The following PXDNL variants were observed in gnomAD, a reference collection of about 807,000 sequenced individuals.
PXDNL encodes the protein probable oxidoreductase PXDNL.
Under a neutral mutation model 150.8 loss-of-function variants are expected in PXDNL, and 145 were observed. That is an observed-to-expected ratio of 0.96 (90% CI 0.84 to 1.10). The LOEUF (loss-of-function observed/expected upper bound fraction) is 1.10, where lower values mean the gene tolerates loss of function less well. Among genes scored for constraint, PXDNL ranks in the 50% least tolerant of loss-of-function variants. The probability of loss-of-function intolerance (pLI) is 0.00; values close to 1 mark genes in which losing one functional copy is unlikely to be tolerated. For missense variants in PXDNL, 2,087 were observed against 1,873.9 expected (o/e 1.11, Z -2.10); for synonymous variants, 757 against 725.7 (o/e 1.04, Z -0.69).
chr8:51,678,973 A>C (rs1053615763), intron 1 of PXDNL, among the ~76,000 whole-genome samples: 2 of 152,214 alleles, frequency 1.3e-5, no homozygotes, highest in Non-Finnish European at 1.5e-5. Flanking sequence ...ACGTTGTTCT[A>C]AGTTCTGGAG....
At position 51,475,121 on chromosome 8, in the gene PXDNL, A is replaced by AG. The variant is rs1810444236; in HGVS notation, c.544dup (p.Leu182ProfsTer4). The AG allele has an allele frequency of 1.2e-6, 2 of 1,613,158 alleles. No homozygotes were observed. The highest frequency in any genetic ancestry group is 3.3e-5 in the Admixed American group (2 of 59,984). ...CCACATCAGATCACAGTCACAAACC[A>AG]GGGCGTTGGAATCCAGACGCCTAGG... On this transcript the variant is annotated frameshift_variant, in exon 7 of 23. Coordinates refer to ENST00000356297, the MANE Select transcript of PXDNL (RefSeq NM_144651.5). LOFTEE classifies it high-confidence loss of function.
In PXDNL at chr8:51,710,100, C is replaced by T. The variant is rs145699209; in HGVS notation, c.165-55340G>A. On this transcript the variant is annotated intron_variant, in intron 1 of 22. Transcript: ENST00000356297. Reference sequence around the variant, plus strand: ...TAAAAATATTTCCTGTCCTTATTTCCCAGCTTTCCCTTTTGTCTGCTCTGC... The same window carrying T: ...TAAAAATATTTCCTGTCCTTATTTCTCAGCTTTCCCTTTTGTCTGCTCTGC... 2.1e-4 allele frequency among the ~76,000 whole-genome samples: 32 copies of T among 152,232 alleles called. No homozygotes were observed. In the East Asian group the frequency reaches 6.0e-3, roughly 28 times the overall value.
chr8:51,622,470 A>G (rs1043471986), intron 2 of PXDNL, among the ~76,000 whole-genome samples: 3 of 152,248 alleles, frequency 2.0e-5, no homozygotes, highest in African/African-American at 7.2e-5. Context: ...TAAATGCCTG[A>G]AAATCTGCAA....
chr8:51,734,306 A>C (rs1585709545), intron 1 of PXDNL, among the ~76,000 whole-genome samples: 1 of 152,344 alleles, frequency 6.6e-6, no homozygotes, highest in South Asian at 2.1e-4. Flanking sequence ...GAATCAAAGA[A>C]ATTAAAGTAA....
At chr8:51,775,847 A>C (rs985991454) in intron 1 of PXDNL, among the ~76,000 whole-genome samples, 1 of 152,232 alleles carries the variant, frequency 6.6e-6, no homozygotes, top group Non-Finnish European at 1.5e-5. Flanking sequence ...CAAGGGAGAT[A>C]ACTATGAGGT....
chr8:51,609,845 T>C (rs1813959169), intron 2 of PXDNL, among the ~76,000 whole-genome samples: 2 of 152,176 alleles, frequency 1.3e-5, no homozygotes, highest in Non-Finnish European at 2.9e-5. Context: ...CGTAGAGAAG[T>C]GCTTCTGATA....
chr8:51,664,048 C>A (rs1490421197), intron 1 of PXDNL, among the ~76,000 whole-genome samples: 7 of 110,798 alleles, frequency 6.3e-5, no homozygotes, highest in Non-Finnish European at 1.1e-4. Flanking sequence ...GAGACTCTGT[C>A]TCAAAAAAAA....
At position 51,451,590 on chromosome 8, in the gene PXDNL, C is replaced by T. The variant is rs574988884; in HGVS notation, c.1249+1929G>A. Among the ~76,000 whole-genome samples the T allele has an allele frequency of 5.3e-5, 8 of 152,268 alleles. No homozygotes were observed. In the East Asian group the frequency reaches 1.4e-3, roughly 26 times the overall value. Reference sequence around the variant, plus strand: ...CATTTTGACTTACACTGTTGATGACCATAGGCCTTTTTACCTATATGTCCA... The same window carrying T: ...CATTTTGACTTACACTGTTGATGACTATAGGCCTTTTTACCTATATGTCCA... On this transcript the variant is annotated intron_variant, in intron 10 of 22. Transcript: ENST00000356297.
At chr8:51,524,207 C>T (rs755748675) in intron 4 of PXDNL, among the ~76,000 whole-genome samples, 2 of 152,182 alleles carry the variant, frequency 1.3e-5, no homozygotes, top group East Asian at 3.9e-4. Flanking sequence ...CATACGCTCC[C>T]TAACATGACA....
chr8:51,577,999 G>GAA (rs1409948869), intron 3 of PXDNL, among the ~76,000 whole-genome samples: 9 of 31,520 alleles, frequency 2.9e-4, no homozygotes, highest in Non-Finnish European at 4.4e-4. Flanking sequence ...AAGAAAGAAA[G>GAA]AGGAAGGAAG....
In PXDNL at chr8:51,409,565, AAAGGCAAGCGGCGAAAGCCGT is replaced by A; in HGVS notation, c.2063-25_2063-5del. On this transcript the variant is annotated splice_region_variant and splice_polypyrimidine_tract_variant and intron_variant, in intron 16 of 22. Coordinates refer to ENST00000356297, the MANE Select transcript of PXDNL (RefSeq NM_144651.5). ...ACCAAGTCATTGTACCGGAATTCTG[AAAGGCAAGCGGCGAAAGCCGT>A]GAGGAGGGCGGGCCTGGGAGGGCGC... is the stretch of plus-strand genomic sequence containing the variant. 1 of 1,557,716 alleles carries A rather than the reference AAAGGCAAGCGGCGAAAGCCGT, an allele frequency of 6.4e-7. No homozygotes were observed. The highest frequency in any genetic ancestry group is 8.7e-7 in the Non-Finnish European group (1 of 1,150,276).
At chr8:51,399,531 T>G (rs141651977) in intron 17 of PXDNL, among the ~76,000 whole-genome samples, 35 of 152,252 alleles carry the variant, frequency 2.3e-4, no homozygotes, top group African/African-American at 7.9e-4. Context: ...ACAAAATGAA[T>G]GTACAGTGAG....
At chr8:51,539,022 G>C (rs115499997) in intron 4 of PXDNL, among the ~76,000 whole-genome samples, 2,835 of 152,140 alleles carry the variant, frequency 0.019, 37 homozygotes, top group African/African-American at 0.035. Context: ...TTGAAATCGT[G>C]TAAGCAGACA....
chr8:51,657,102 C>T (rs191155015), intron 1 of PXDNL, among the ~76,000 whole-genome samples: 195 of 152,254 alleles, frequency 1.3e-3, no homozygotes, highest in African/African-American at 4.3e-3. Context: ...ACCTTAAACA[C>T]GCTCAGAACA....
At chr8:51,780,649 C>CTTTTT (rs2037404071) in intron 1 of PXDNL, among the ~76,000 whole-genome samples, 2 of 114,420 alleles carry the variant, frequency 1.7e-5, no homozygotes, top group African/African-American at 6.3e-5. Context: ...TTTTTCTTTT[C>CTTTTT]TTTTCTTTTT....
intron 1 of PXDNL, among the ~76,000 whole-genome samples, chr8:51,782,789 G>A (rs550190651): frequency 2.0e-5 from 3 of 152,186 alleles, no homozygotes; most frequent in Admixed American, 6.5e-5. Context: ...AATCTTCTGG[G>A]GTTAACATAA....
chr8:51,371,832 T>G (rs779887148), intron 19 of PXDNL, 41 bp downstream of exon 19: 1 of 1,480,960 alleles, frequency 6.8e-7, no homozygotes, highest in East Asian at 2.3e-5. Flanking sequence ...CATGAGAACA[T>G]GCACATCAAT....
At chr8:51,521,961 A>G (rs1811673391) in intron 4 of PXDNL, among the ~76,000 whole-genome samples, 1 of 152,200 alleles carries the variant, frequency 6.6e-6, no homozygotes, top group Non-Finnish European at 1.5e-5. Context: ...TTTCTCAGAC[A>G]AACAAAAACT....
At chr8:51,350,849 A>T (rs1806331500) in intron 19 of PXDNL, among the ~76,000 whole-genome samples, 1 of 152,018 alleles carries the variant, frequency 6.6e-6, no homozygotes, top group Non-Finnish European at 1.5e-5. Flanking sequence ...GCTTTTTATT[A>T]AAGGAAAATT....
Sources: allele counts gnomAD v4.1 joint callset (sites outside exome capture counted in the v4.1 genomes callset), GRCh38; gene constraint gnomAD v4.1.1; transcripts MANE v1.5; gene names NCBI Gene and HGNC (gene_info 2026-07-23, HGNC 2026-07-21).